The following NOL4 variants were observed in gnomAD, a reference collection of about 807,000 sequenced individuals.
NOL4 encodes the protein nucleolar protein 4, also known as cancer/testis antigen 125.
In NOL4, 17 loss-of-function variants were observed where a neutral mutation model predicts 75.9. That is an observed-to-expected ratio of 0.22 (90% CI 0.15 to 0.34). NOL4 has a LOEUF of 0.34. NOL4 is among the 10% of genes least tolerant of loss of function. The pLI, the probability that NOL4 is intolerant of heterozygous loss-of-function variation, is 1.00. For synonymous variants in NOL4, 292 were observed against 289.9 expected, an observed-to-expected ratio of 1.01 and a Z score of -0.07; for missense variants, 614 against 793.5, an observed-to-expected ratio of 0.77 and a Z score of 2.72.
intron 6 of NOL4, among the ~76,000 whole-genome samples, chr18:33,997,964 A>G (rs1489530361): frequency 1.3e-5 from 2 of 151,916 alleles, no homozygotes; most frequent in East Asian, 3.9e-4. Context: ...TGAAATATGG[A>G]CCCATACTAC....
At chr18:34,208,115 C>T (rs923223113) in intron 1 of NOL4, among the ~76,000 whole-genome samples, 3 of 152,124 alleles carry the variant, frequency 2.0e-5, no homozygotes, top group African/African-American at 7.2e-5. Context: ...TAGATTAAAT[C>T]CAGTAGATGA....
intron 1 of NOL4, among the ~76,000 whole-genome samples, chr18:34,168,246 AC>A (rs1405667134): frequency 6.6e-6 from 1 of 151,998 alleles, no homozygotes; most frequent in Non-Finnish European, 1.5e-5. Context: ...ATCCTCTACT[AC>A]AAAAAGACAA....
At chr18:33,990,306 C>G (rs1459478598) in intron 6 of NOL4, among the ~76,000 whole-genome samples, 1 of 152,020 alleles carries the variant, frequency 6.6e-6, no homozygotes, top group Non-Finnish European at 1.5e-5. Flanking sequence ...TTCTCTGAAA[C>G]ATCCTATTAT....
At chr18:34,087,287 T>C (rs76255121) in intron 5 of NOL4, among the ~76,000 whole-genome samples, 4,823 of 152,172 alleles carry the variant, frequency 0.032, 81 homozygotes, top group Middle Eastern at 0.048. Context: ...CTCCAACAGT[T>C]ATATCTGTTA....
chr18:34,124,679 C>T (rs1369730359), intron 2 of NOL4, among the ~76,000 whole-genome samples: 5 of 152,048 alleles, frequency 3.3e-5, no homozygotes, highest in African/African-American at 9.6e-5. Context: ...CCAAGGCAGG[C>T]GGATCACCTG....
At chr18:34,197,791 C>T (rs760859397) in intron 1 of NOL4, among the ~76,000 whole-genome samples, 3 of 151,638 alleles carry the variant, frequency 2.0e-5, no homozygotes, top group Non-Finnish European at 2.9e-5. Context: ...AATTTAAGGA[C>T]ATGAACAAAG....
intron 1 of NOL4, among the ~76,000 whole-genome samples, chr18:34,155,346 C>A (rs1243010453): frequency 6.6e-6 from 1 of 151,832 alleles, no homozygotes; most frequent in African/African-American, 2.4e-5. Flanking sequence ...ACAGACCATT[C>A]ATGAAGGATA....
chr18:33,981,376 A>G (rs1486627442), intron 6 of NOL4, among the ~76,000 whole-genome samples: 1 of 151,910 alleles, frequency 6.6e-6, no homozygotes, highest in Non-Finnish European at 1.5e-5. Context: ...GAAAAACTAC[A>G]CCTAGCCTTA....
intron 5 of NOL4, among the ~76,000 whole-genome samples, chr18:34,057,714 T>G (rs1284277430): frequency 6.6e-6 from 1 of 152,330 alleles, no homozygotes; most frequent in East Asian, 1.9e-4. Context: ...AAGTTGCACT[T>G]GAAAGATTTT....
In NOL4 at chr18:33,917,009, T is replaced by C. The variant is rs1265466225; in HGVS notation, c.1542+26056A>G. Among the ~76,000 whole-genome samples, 4 of 152,210 alleles carry C rather than the reference T, an allele frequency of 2.6e-5. No homozygotes were observed. In the East Asian group the frequency reaches 5.8e-4, roughly 22 times the overall value. On this transcript the variant is annotated intron_variant, in intron 9 of 10. Coordinates refer to ENST00000261592, the MANE Select transcript of NOL4 (RefSeq NM_003787.5). ...ACTTGAAAACCTCTCTTTGATGGGA[T>C]TTGTTCTGTTTGTTTCAACCCAGGC...
At chr18:34,120,339 T>C (rs1368006788) in intron 2 of NOL4, among the ~76,000 whole-genome samples, 1 of 152,216 alleles carries the variant, frequency 6.6e-6, no homozygotes, top group Non-Finnish European at 1.5e-5. Flanking sequence ...CTAGCACATA[T>C]ACACACTCAT....
intron 5 of NOL4, among the ~76,000 whole-genome samples, chr18:34,093,188 AC>A (rs2145548646): frequency 6.6e-6 from 1 of 152,310 alleles, no homozygotes; most frequent in East Asian, 1.9e-4. Flanking sequence ...TATTGATATA[AC>A]ACATATTTTA....
At chr18:34,203,452 A>T (rs1478061501) in intron 1 of NOL4, among the ~76,000 whole-genome samples, 1 of 148,236 alleles carries the variant, frequency 6.7e-6, no homozygotes, top group East Asian at 2.1e-4. Flanking sequence ...CATACACACA[A>T]GTAAAGCTGG....
At chr18:33,917,203 C>T (rs766817877) in intron 9 of NOL4, among the ~76,000 whole-genome samples, 29 of 152,064 alleles carry the variant, frequency 1.9e-4, no homozygotes, top group Non-Finnish European at 2.9e-4. Flanking sequence ...AAAGAAATGA[C>T]GGGCACAGTT....
At chr18:34,186,186 T>A (rs944559216) in intron 1 of NOL4, among the ~76,000 whole-genome samples, 1 of 152,182 alleles carries the variant, frequency 6.6e-6, no homozygotes, top group African/African-American at 2.4e-5. Flanking sequence ...TGTTTGGGTA[T>A]CTCCATTTTC....
At chr18:33,897,310 A>G (rs2065469465) in intron 9 of NOL4, among the ~76,000 whole-genome samples, 1 of 152,186 alleles carries the variant, frequency 6.6e-6, no homozygotes, top group Non-Finnish European at 1.5e-5. Flanking sequence ...AAGATCATGC[A>G]TGTGAATGTT....
intron 10 of NOL4, among the ~76,000 whole-genome samples, chr18:33,879,323 T>C (rs993228563): frequency 1.3e-5 from 2 of 152,052 alleles, no homozygotes; most frequent in African/African-American, 4.8e-5. Context: ...TCCATGAATG[T>C]TGGCATTCTA....
chr18:34,116,341 G>A (rs534660797), intron 2 of NOL4, among the ~76,000 whole-genome samples: 8 of 151,998 alleles, frequency 5.3e-5, no homozygotes, highest in East Asian at 1.9e-4. Flanking sequence ...AAAATCCCAC[G>A]GACAAATATA....
chr18:34,021,076 C>T lies in NOL4; in HGVS notation c.773-1475G>A, dbSNP rs932732963. 3.9e-5 allele frequency among the ~76,000 whole-genome samples: 6 copies of T among 152,076 alleles called. No homozygotes were observed. In the South Asian group the frequency reaches 1.2e-3, roughly 32 times the overall value. On this transcript the variant is annotated intron_variant, in intron 5 of 10. Transcript: ENST00000261592. ...CAAATTCTGAAAGAGTGATATAACT[C>T]ACATGTTCCTTCATTTATTCACTAA...
Sources: allele counts gnomAD v4.1 joint callset (sites outside exome capture counted in the v4.1 genomes callset), GRCh38; gene constraint gnomAD v4.1.1; transcripts MANE v1.5; gene names NCBI Gene and HGNC (gene_info 2026-07-23, HGNC 2026-07-21).